DIPK1A: variants seen among roughly 807,000 people sequenced by gnomAD.
The protein encoded by DIPK1A is family with sequence similarity 69 member A.
A neutral mutation model predicts 40.8 loss-of-function variants in DIPK1A; 27 were observed. That is an observed-to-expected ratio of 0.66 (90% CI 0.49 to 0.91). The LOEUF (loss-of-function observed/expected upper bound fraction) is 0.91. Among genes scored for constraint, DIPK1A ranks in the 40% least tolerant of loss-of-function variants. DIPK1A has a pLI of 0.00. For missense variants in DIPK1A, 412 were observed against 505.7 expected (o/e 0.81, Z 1.78); for synonymous variants, 166 against 171.3 (o/e 0.97, Z 0.24).
At chr1:92,894,705 G>T (rs1649077311) in intron 1 of DIPK1A, among the ~76,000 whole-genome samples, 1 of 152,112 alleles carries the variant, frequency 6.6e-6, no homozygotes, top group Non-Finnish European at 1.5e-5. Flanking sequence ...AAAATTCAAT[G>T]AATCCAGGAG....
At position 92,911,500 on chromosome 1, in the gene DIPK1A, A is replaced by G. The variant is rs1649824119; in HGVS notation, c.55-35070T>C. 2.0e-5 allele frequency among the ~76,000 whole-genome samples: 3 copies of G among 152,224 alleles called. No homozygotes were observed. The South Asian group carries it at 6.2e-4, about 31-fold the overall frequency. ...AGAGACTAAGACATTACATGTATCA[A>G]CAGTTCCTTGCATGGTATTGTTAAA... is the stretch of plus-strand genomic sequence containing the variant. On this transcript the variant is annotated intron_variant, in intron 1 of 4. Transcript: ENST00000370310.
intron 4 of DIPK1A, among the ~76,000 whole-genome samples, chr1:92,846,823 ATATATATATATATATATATGTGTG>A (rs1462934602): frequency 2.6e-4 from 1 of 3,912 alleles, no homozygotes; most frequent in African/African-American, 1.4e-3. Context: ...ATATATATAT[ATATATATATATATATATATGTGTG>A]TATATATATA....
chr1:92,832,837 C>G (rs1274139980), exon 5 of DIPK1A: 5 of 599,180 alleles, frequency 8.3e-6, no homozygotes, highest in Non-Finnish European at 1.5e-5. Context: ...TGTGCTCTTG[C>G]CCAGTTAAGC....
chr1:92,865,102 C>T (rs1416162975), intron 2 of DIPK1A, among the ~76,000 whole-genome samples: 1 of 149,788 alleles, frequency 6.7e-6, no homozygotes, highest in Non-Finnish European at 1.5e-5. Context: ...TGACTTACAC[C>T]TGTAATCCCA....
intron 1 of DIPK1A, among the ~76,000 whole-genome samples, chr1:92,944,231 A>C (rs765241296): frequency 6.6e-6 from 1 of 152,126 alleles, no homozygotes; most frequent in Non-Finnish European, 1.5e-5. Context: ...GAACCAATCC[A>C]ATAGCTCCAC....
chr1:92,884,940 G>C (rs547516317), intron 1 of DIPK1A, among the ~76,000 whole-genome samples: 1 of 152,020 alleles, frequency 6.6e-6, no homozygotes, highest in Non-Finnish European at 1.5e-5. Flanking sequence ...TACTGTAAAG[G>C]GTTTTAAAAA....
chr1:92,834,344 C>T (rs1389006133), intron 4 of DIPK1A, among the ~76,000 whole-genome samples: 1 of 152,178 alleles, frequency 6.6e-6, no homozygotes, highest in African/African-American at 2.4e-5. Flanking sequence ...GTCAGTTTTG[C>T]TCTTGTACTA....
intron 1 of DIPK1A, among the ~76,000 whole-genome samples, chr1:92,905,956 T>C (rs1038862276): frequency 6.6e-6 from 1 of 152,124 alleles, no homozygotes; most frequent in African/African-American, 2.4e-5. Context: ...TATTTCTGGG[T>C]TCTCTATCCT....
At chr1:92,941,148 T>G (rs1217355271) in intron 1 of DIPK1A, among the ~76,000 whole-genome samples, 1 of 152,220 alleles carries the variant, frequency 6.6e-6, no homozygotes, top group African/African-American at 2.4e-5. Context: ...TTTTCCTTTA[T>G]GAACCATGCT....
At chr1:92,892,358 C>T (rs369333037) in intron 1 of DIPK1A, among the ~76,000 whole-genome samples, 43 of 152,218 alleles carry the variant, frequency 2.8e-4, no homozygotes, top group Admixed American at 5.9e-4. Flanking sequence ...CATCAATATC[C>T]GCTGTTCTGC....
chr1:92,942,132 C>T (rs1050935461), intron 1 of DIPK1A, among the ~76,000 whole-genome samples: 2 of 152,140 alleles, frequency 1.3e-5, no homozygotes, highest in African/African-American at 2.4e-5. Context: ...CAACATGATA[C>T]AGTTTATGAA....
At chr1:92,903,786 A>G (rs547281594) in intron 1 of DIPK1A, among the ~76,000 whole-genome samples, 1 of 152,348 alleles carries the variant, frequency 6.6e-6, no homozygotes, top group East Asian at 1.9e-4. Context: ...CCGTCAGGTT[A>G]TGTGGGCCCA....
At chr1:92,887,666 T>G (rs1212057898) in intron 1 of DIPK1A, among the ~76,000 whole-genome samples, 1 of 152,212 alleles carries the variant, frequency 6.6e-6, no homozygotes, top group Non-Finnish European at 1.5e-5. Context: ...GGTATGTCAC[T>G]AAGTTTTGGG....
At chr1:92,853,013 G>T (rs1350343337) in intron 2 of DIPK1A, among the ~76,000 whole-genome samples, 1 of 152,170 alleles carries the variant, frequency 6.6e-6, no homozygotes, top group Non-Finnish European at 1.5e-5. Flanking sequence ...CTGTACTCCA[G>T]CCTGGGTGAC....
chr1:92,843,328 A>G lies in DIPK1A; in HGVS notation c.*55T>C. 6.8e-7 allele frequency: 1 copy of G among 1,461,138 alleles called. No individual in the cohort carries two copies. The highest frequency in any genetic ancestry group is 1.4e-5 in the African/African-American group (1 of 69,912). The allele number at this position is 1,461,138 out of a possible 1,614,324, so 90.5% of individuals were successfully genotyped here. ...TGAAGCCATTTTTTTTTAATGCTCA[A>G]AATTGTTCTTTAAAAGTGGCAGGTT... On this transcript the variant is annotated 3_prime_UTR_variant, in exon 5 of 5. Transcript: ENST00000370310.
intron 1 of DIPK1A, among the ~76,000 whole-genome samples, chr1:92,907,424 C>T (rs531824051): frequency 6.6e-6 from 1 of 152,024 alleles, no homozygotes; most frequent in Non-Finnish European, 1.5e-5. Context: ...ATGTTCTGTG[C>T]TTTAATTTTT....
At chr1:92,841,906 A>AACTT (rs1687381820), downstream of DIPK1A, 3 of 1,405,322 alleles carry the variant, frequency 2.1e-6, no homozygotes, top group South Asian at 2.3e-5. Context: ...ATAGATAATA[A>AACTT]ACTTATGAAC....
At chr1:92,919,833 G>T (rs931182109) in intron 1 of DIPK1A, among the ~76,000 whole-genome samples, 7 of 152,164 alleles carry the variant, frequency 4.6e-5, no homozygotes, top group African/African-American at 1.7e-4. Context: ...GGATACATGG[G>T]TGCTCATCAA....
chr1:92,843,248 T>C lies in DIPK1A; in HGVS notation c.*135A>G, dbSNP rs1687444723. On this transcript the variant is annotated 3_prime_UTR_variant, in exon 5 of 5. Coordinates refer to ENST00000370310, the MANE Select transcript of DIPK1A (RefSeq NM_001006605.5). ...ACCTGCCATTACTTCAGTGATCACA[T>C]ACTGATGGCTTCTCAGGCCTGGGGG... 2.1e-6 allele frequency: 3 copies of C among 1,439,922 alleles called. No homozygotes were observed. Among genetic ancestry groups the C allele is most frequent in the Non-Finnish European group, 2.7e-6 (3 of 1,096,860 alleles). The allele number at this position is 1,439,922 out of a possible 1,614,324, so 89.2% of individuals were successfully genotyped here. A position where few individuals can be genotyped will look rare whatever the true frequency, so the allele number is the denominator to read the frequency against.
Sources: allele counts gnomAD v4.1 joint callset (sites outside exome capture counted in the v4.1 genomes callset), GRCh38; gene constraint gnomAD v4.1.1; transcripts MANE v1.5; gene names NCBI Gene and HGNC (gene_info 2026-07-23, HGNC 2026-07-21).